TMCO1: variants seen among roughly 807,000 people sequenced by gnomAD.
TMCO1 encodes the protein calcium load-activated calcium channel.
In TMCO1, 29 loss-of-function variants were observed where a neutral mutation model predicts 29.3. The ratio of observed to expected loss-of-function variants is 0.99; its 90% CI spans 0.74 to 1.35. TMCO1 has a LOEUF of 1.35. TMCO1 is among the 40% of genes most tolerant of loss of function. TMCO1 has a pLI of 0.00. For synonymous variants in TMCO1, 80 were observed against 77.1 expected, an observed-to-expected ratio of 1.04 and a Z score of -0.20; for missense variants, 173 against 225.5, an observed-to-expected ratio of 0.77 and a Z score of 1.49.
intron 5 of TMCO1, among the ~76,000 whole-genome samples, chr1:165,743,941 AC>A (rs1233396365): frequency 4.0e-5 from 6 of 151,204 alleles, no homozygotes; most frequent in Non-Finnish European, 8.8e-5. Flanking sequence ...GCTCACTGCA[AC>A]CTCCACCTCC....
chr1:165,747,787 G>C (rs1412110302), intron 5 of TMCO1, among the ~76,000 whole-genome samples: 3 of 152,280 alleles, frequency 2.0e-5, no homozygotes, highest in South Asian at 4.1e-4. Flanking sequence ...GAGACCTTGA[G>C]CAAGTTAAGT....
chr1:165,747,294 T>C (rs1229375598), intron 5 of TMCO1, among the ~76,000 whole-genome samples: 1 of 123,846 alleles, frequency 8.1e-6, no homozygotes, highest in African/African-American at 2.9e-5. Context: ...AAAAAAAAAA[T>C]TGATAAGCTA....
At chr1:165,738,286 C>T (rs1651462723) in intron 6 of TMCO1, among the ~76,000 whole-genome samples, 1 of 152,202 alleles carries the variant, frequency 6.6e-6, no homozygotes, top group South Asian at 2.1e-4. Context: ...GAACGAGACT[C>T]TGTCTCCAAA....
At chr1:165,739,942 C>G (rs1651527416) in intron 6 of TMCO1, among the ~76,000 whole-genome samples, 2 of 151,776 alleles carry the variant, frequency 1.3e-5, no homozygotes, top group Admixed American at 1.3e-4. Context: ...GAAACCCTGT[C>G]TCTACTAAAA....
At chr1:165,752,405 G>A (rs1276979178) in intron 4 of TMCO1, among the ~76,000 whole-genome samples, 8 of 151,304 alleles carry the variant, frequency 5.3e-5, no homozygotes, top group East Asian at 2.0e-4. Context: ...ACAGGGGCCC[G>A]CCACCACGCT....
At chr1:165,748,917 T>C (rs1334029029) in intron 5 of TMCO1, among the ~76,000 whole-genome samples, 2 of 152,232 alleles carry the variant, frequency 1.3e-5, no homozygotes, top group Non-Finnish European at 2.9e-5. Context: ...GCCTTTTTCA[T>C]ACAGCAGGAA....
intron 6 of TMCO1, among the ~76,000 whole-genome samples, chr1:165,737,235 A>G (rs1317100849): frequency 6.6e-6 from 1 of 152,248 alleles, no homozygotes; most frequent in Non-Finnish European, 1.5e-5. Context: ...AATATTACCT[A>G]AAATTCAAAA....
chr1:165,757,654 C>T (rs770865322), intron 3 of TMCO1, among the ~76,000 whole-genome samples: 11 of 152,172 alleles, frequency 7.2e-5, no homozygotes, highest in Non-Finnish European at 1.0e-4. Flanking sequence ...TGCACCACCA[C>T]GCCTGGTTAA....
chr1:165,751,427 G>A (rs907061902), intron 5 of TMCO1, among the ~76,000 whole-genome samples: 11 of 152,040 alleles, frequency 7.2e-5, no homozygotes, highest in Non-Finnish European at 1.6e-4. Context: ...ATTCTGGCTG[G>A]GCGTGGTGGC....
At chr1:165,745,445 C>T (rs12133745) in intron 5 of TMCO1, among the ~76,000 whole-genome samples, 127,234 of 142,020 alleles carry the variant, frequency 0.9, 57,106 homozygotes, top group East Asian at 0.99. Flanking sequence ...GAGACCAGCC[C>T]GGGCAACATG....
At chr1:165,760,672 G>T (rs1220414319) in intron 2 of TMCO1, among the ~76,000 whole-genome samples, 11 of 151,896 alleles carry the variant, frequency 7.2e-5, no homozygotes, top group Admixed American at 5.2e-4. Context: ...CATGTGGCGC[G>T]TGCCTGTAGT....
intron 6 of TMCO1, among the ~76,000 whole-genome samples, chr1:165,739,915 A>C (rs1178890517): frequency 6.6e-6 from 1 of 151,898 alleles, no homozygotes; most frequent in East Asian, 2.0e-4. Context: ...ATTCGAGACC[A>C]GCCTGGCCAA....
chr1:165,737,807 G>C (rs2101793860), intron 6 of TMCO1, among the ~76,000 whole-genome samples: 1 of 152,268 alleles, frequency 6.6e-6, no homozygotes, highest in Middle Eastern at 3.4e-3. Flanking sequence ...TGAAGATTAA[G>C]AGAATTTGTC....
chr1:165,753,966 TA>T lies in TMCO1; in HGVS notation c.255+261del, dbSNP rs111302957. ...AAATAAACTACTTCATTTGAAAACA[TA>T]AGAGGGAACTAAGAACTGTGTGAAG... On this transcript the variant is annotated intron_variant, in intron 4 of 6. Coordinates refer to ENST00000367881, the MANE Select transcript of TMCO1 (RefSeq NM_019026.6). 0.013 allele frequency among the ~76,000 whole-genome samples: 2,015 copies of T among 152,178 alleles called. 52 individuals carry two copies. Among genetic ancestry groups the T allele is most frequent in the African/African-American group, 0.047 (1,940 of 41,494 alleles).
intron 5 of TMCO1, among the ~76,000 whole-genome samples, chr1:165,745,973 A>G (rs1055946296): frequency 2.6e-5 from 4 of 152,174 alleles, no homozygotes; most frequent in Non-Finnish European, 2.9e-5. Context: ...GTTGCTGAAA[A>G]TAATATACAT....
At position 165,727,161 on chromosome 1, in the gene TMCO1, C is replaced by G. The variant is rs1002735443; in HGVS notation, c.*862G>C. ...CTATTGTGACTAAAAGGAAGCTCTG[C>G]GAGATTAACAACATATAACTATAAC... On this transcript the variant is annotated 3_prime_UTR_variant, in exon 7 of 7. Coordinates refer to ENST00000367881, the MANE Select transcript of TMCO1 (RefSeq NM_019026.6). 8.8e-6 allele frequency: 4 copies of G among 453,860 alleles called. No individual in the cohort carries two copies. Among genetic ancestry groups the G allele is most frequent in the Admixed American group, 7.1e-5 (3 of 42,540 alleles). 28.1% of individuals were successfully genotyped at this position (453,860 alleles called of 1,614,324 possible). A position where few individuals can be genotyped will look rare whatever the true frequency, so the allele number is the denominator to read the frequency against.
At chr1:165,757,928 G>A (rs1006917186) in intron 3 of TMCO1, among the ~76,000 whole-genome samples, 39 of 152,168 alleles carry the variant, frequency 2.6e-4, no homozygotes, top group African/African-American at 8.9e-4. Flanking sequence ...AGGATAATCT[G>A]CCTTCCATTT....
At chr1:165,764,340 T>C (rs1571233245) in intron 2 of TMCO1, among the ~76,000 whole-genome samples, 1 of 152,322 alleles carries the variant, frequency 6.6e-6, no homozygotes, top group South Asian at 2.1e-4. Flanking sequence ...TTTGTCCTCA[T>C]AGCAATTACA....
At chr1:165,753,262 C>T (rs1652065254) in intron 4 of TMCO1, among the ~76,000 whole-genome samples, 1 of 151,694 alleles carries the variant, frequency 6.6e-6, no homozygotes, top group African/African-American at 2.4e-5. Context: ...GGCTTGAGCT[C>T]AGGAGTTCAA....
Sources: gnomAD v4.1 joint callset for allele counts (sites outside exome capture counted in the v4.1 genomes callset) on GRCh38, gnomAD v4.1.1 for gene constraint, MANE v1.5 for transcripts, NCBI Gene and HGNC (gene_info 2026-07-23, HGNC 2026-07-21) for gene names.